The following ZGRF1 variants were observed in gnomAD, a reference collection of about 807,000 sequenced individuals.
The protein encoded by ZGRF1 is 5'-3' DNA helicase ZGRF1.
In ZGRF1, 196 loss-of-function variants were observed where a neutral mutation model predicts 203.5. The ratio of observed to expected loss-of-function variants is 0.96; its 90% CI spans 0.86 to 1.08. ZGRF1 has a LOEUF of 1.08. Ranked by LOEUF, ZGRF1 falls within the 50% of genes least tolerant of loss-of-function variation. The probability of loss-of-function intolerance (pLI) is 0.00; values close to 1 mark genes in which losing one functional copy is unlikely to be tolerated. For synonymous variants in ZGRF1, 809 were observed against 841.3 expected (o/e 0.96, Z 0.66); for missense variants, 2,326 against 2,416.3 (o/e 0.96, Z 0.78).
In ZGRF1 at chr4:112,581,838, T is replaced by C. The variant is rs374956750; in HGVS notation, c.4299-36A>G. 4 of 1,107,050 alleles carry C rather than the reference T, an allele frequency of 3.6e-6. No individual in the cohort carries two copies. The South Asian group carries it at 6.1e-5, about 17-fold the overall frequency. The allele number at this position is 1,107,050 out of a possible 1,614,324, so 68.6% of individuals were successfully genotyped here. A position where few individuals can be genotyped will look rare whatever the true frequency, so the allele number is the denominator to read the frequency against. ...AATAAAAAATAAAAATGAATTGTAA[T>C]ATTAAGATGCAAGTTTTTTGAAAAT... On this transcript the variant is annotated intron_variant, in intron 15 of 27. Transcript: ENST00000505019.
At chr4:112,599,773 C>A (rs571610030) in intron 10 of ZGRF1, among the ~76,000 whole-genome samples, 1 of 152,058 alleles carries the variant, frequency 6.6e-6, no homozygotes, top group African/African-American at 2.4e-5. Context: ...TCTGAAATTG[C>A]AGACCAATAA....
rs763987701 is a variant in ZGRF1, at chr4:112,543,741, CAGG to C, written c.5599-2476_5599-2474del. Among the ~76,000 whole-genome samples, 10 of 152,290 alleles carry C rather than the reference CAGG, an allele frequency of 6.6e-5. No homozygotes were observed. The East Asian group carries it at 1.2e-3, about 18-fold the overall frequency. ...GGGGAGAGAACGAATGGTTGGGGGA[CAGG>C]AGGAGAAGTCTTCACTATTTCCACG... On this transcript the variant is annotated intron_variant, in intron 24 of 27. Transcript: ENST00000505019.
intron 15 of ZGRF1, among the ~76,000 whole-genome samples, chr4:112,583,368 T>C (rs1204232248): frequency 6.6e-6 from 1 of 152,186 alleles, no homozygotes; most frequent in Non-Finnish European, 1.5e-5. Flanking sequence ...ATTATTCCTA[T>C]AGTTTGTCGG....
At chr4:112,550,285 G>A (rs961089013) in intron 22 of ZGRF1, among the ~76,000 whole-genome samples, 1 of 151,040 alleles carries the variant, frequency 6.6e-6, no homozygotes, top group Non-Finnish European at 1.5e-5. Context: ...AGTAAGCTTA[G>A]AATAATGTGT....
intron 4 of ZGRF1, 32 bp from the exon 5 acceptor site, chr4:112,620,222 C>T (rs2047020209): frequency 6.5e-7 from 1 of 1,538,320 alleles, no homozygotes; most frequent in Non-Finnish European, 8.9e-7. Context: ...TCACATACAT[C>T]TAATTATTTG....
At chr4:112,599,191 G>C (rs970440964) in intron 10 of ZGRF1, among the ~76,000 whole-genome samples, 3 of 152,082 alleles carry the variant, frequency 2.0e-5, no homozygotes, top group African/African-American at 7.2e-5. Context: ...TACCAAAACT[G>C]TAAAACATTA....
chr4:112,598,814 G>T (rs1389968486), intron 10 of ZGRF1, among the ~76,000 whole-genome samples: 1 of 152,090 alleles, frequency 6.6e-6, no homozygotes, highest in South Asian at 2.1e-4. Context: ...ACTTTGGGGG[G>T]TCAAGGCAGG....
intron 22 of ZGRF1, among the ~76,000 whole-genome samples, chr4:112,549,859 C>T (rs528190753): frequency 1.3e-4 from 19 of 151,940 alleles, no homozygotes; most frequent in Non-Finnish European, 2.5e-4. Context: ...TTATCATAAG[C>T]GCTGACAGCC....
In ZGRF1 at chr4:112,598,803, C is replaced by T. The variant is rs549382372; in HGVS notation, c.2976+4721G>A. Among the ~76,000 whole-genome samples the T allele has an allele frequency of 4.6e-5, 7 of 152,174 alleles. No individual in the cohort carries two copies. The South Asian group carries it at 1.5e-3, about 32-fold the overall frequency. On this transcript the variant is annotated intron_variant, in intron 10 of 27. Coordinates refer to ENST00000505019, the MANE Select transcript of ZGRF1 (RefSeq NM_018392.5). ...CGGTGTCAGATGCCTAGAATCCCAA[C>T]ACTTTGGGGGGTCAAGGCAGGTGTA...
chr4:112,587,519 GCATCCCAGAAACAGCCTCAGCAAAGAAGC>G lies in ZGRF1; in HGVS notation c.3509_3537del (p.Gly1170AlafsTer3), dbSNP rs1179408690. On this transcript the variant is annotated frameshift_variant, in exon 12 of 28. Transcript: ENST00000505019. LOFTEE classifies it high-confidence loss of function. ...TGTCTTTCACTTGTGTCTCTAAAAT[GCATCCCAGAAACAGCCTCAGCAAAGAAGC>G]CATCAGTTATTCTCTTATCAACTCT... 9 of 1,613,746 alleles carry G rather than the reference GCATCCCAGAAACAGCCTCAGCAAAGAAGC, an allele frequency of 5.6e-6. No homozygotes were observed. The highest frequency in any genetic ancestry group is 3.3e-5 in the Admixed American group (2 of 59,988).
chr4:112,548,522 G>A (rs1010577318), intron 22 of ZGRF1, 142 bp from the exon 23 acceptor site: 9 of 574,350 alleles, frequency 1.6e-5, no homozygotes, highest in Non-Finnish European at 2.0e-5. Flanking sequence ...TTAGGTCATC[G>A]TATCTCCAAA....
In ZGRF1 at chr4:112,619,117, C is replaced by T. The variant is rs142840390; in HGVS notation, c.925G>A (p.Glu309Lys). 19 of 1,613,628 alleles carry T rather than the reference C, an allele frequency of 1.2e-5. No individual in the cohort carries two copies. The African/African-American group carries it at 1.7e-4, about 15-fold the overall frequency. The part of the protein sequence containing the change: ...QEECAEMKST[E>K]NLYYQHQSEN... Reference sequence around the variant, plus strand: ...GATTGATGCTGGTAGTATAAATTTTCTGTGCTCTTCATCTCAGCACACTCT... The same window carrying T: ...GATTGATGCTGGTAGTATAAATTTTTTGTGCTCTTCATCTCAGCACACTCT... Residue 309 changes from glutamate to lysine, a missense_variant, in exon 6 of 28, where the codon GAA (glutamate) becomes AAA (lysine). By Grantham distance (56) the Glu-to-Lys change is moderately conservative. Transcript: ENST00000505019.
At position 112,585,646 on chromosome 4, in the gene ZGRF1, T is replaced by G. The variant is rs1449103175; in HGVS notation, c.3996A>C (p.Thr1332=). 1 of 1,610,420 alleles carries G rather than the reference T, an allele frequency of 6.2e-7. No homozygotes were observed. Among genetic ancestry groups the G allele is most frequent in the South Asian group, 1.1e-5 (1 of 90,738 alleles). The change falls in exon 14 of 28, where the codon ACA becomes ACC. Residue 1332 remains threonine (T), a synonymous_variant. Coordinates refer to ENST00000505019, the MANE Select transcript of ZGRF1 (RefSeq NM_018392.5). ...TTTTCAGTTTCTCTCCCTTCAATGATGTATAAAATGATATGTCAACTTTTG... is the reference window on the plus strand; with the variant it reads ...TTTTCAGTTTCTCTCCCTTCAATGAGGTATAAAATGATATGTCAACTTTTG... ...ALSKVDISFY[T]SLKGEKLKNA...
intron 9 of ZGRF1, 86 bp downstream of exon 9, chr4:112,605,922 C>G (rs1321295934): frequency 3.4e-6 from 3 of 886,808 alleles, no homozygotes; most frequent in Non-Finnish European, 5.5e-6. Context: ...TGTGAAAACT[C>G]TGATACTTGT....
chr4:112,613,788 TA>T (rs905775309), intron 6 of ZGRF1, among the ~76,000 whole-genome samples: 3 of 151,902 alleles, frequency 2.0e-5, no homozygotes, highest in South Asian at 2.1e-4. Context: ...TTTTTTTTCT[TA>T]AAAAAAAGTA....
rs1427752652 is a variant in ZGRF1 at position 112,619,249 on chromosome 4, T to G, written c.793A>C (p.Ser265Arg). ...TCAGAATTTAGTTCCTCACATGAACTAGATGATTCGGACTTCAGAAGAGCT... is the reference window on the plus strand; with the variant it reads ...TCAGAATTTAGTTCCTCACATGAACGAGATGATTCGGACTTCAGAAGAGCT... ...ILALLKSESSSSCEELNSEMT... is the reference protein window; with the variant it reads ...ILALLKSESSRSCEELNSEMT... The change falls in exon 6 of 28, where the codon AGT becomes CGT. Residue 265 changes from serine (S) to arginine (R), a missense_variant. Coordinates refer to ENST00000505019, the MANE Select transcript of ZGRF1 (RefSeq NM_018392.5). 7.4e-6 allele frequency: 12 copies of G among 1,613,316 alleles called. 1 individual carries two copies.
intron 3 of ZGRF1, among the ~76,000 whole-genome samples, chr4:112,624,163 C>CAAA (rs34831385): frequency 3.5e-5 from 4 of 114,104 alleles, no homozygotes; most frequent in East Asian, 2.6e-4. Context: ...TGCTACTGCT[C>CAAA]AAAAAAAAAA....
chr4:112,617,338 A>G (rs913043954), intron 6 of ZGRF1, 102 bp downstream of exon 6: 3 of 814,712 alleles, frequency 3.7e-6, no homozygotes, highest in Non-Finnish European at 5.6e-6. Context: ...CTATTTAAAC[A>G]CTATGTAATT....
At position 112,539,967 on chromosome 4, in the gene ZGRF1, A is replaced by C. The variant is rs774401641; in HGVS notation, c.6068T>G (p.Met2023Arg). 1.9e-6 allele frequency: 3 copies of C among 1,613,882 alleles called. No homozygotes were observed. The highest frequency in any genetic ancestry group is 1.7e-5 in the Admixed American group (1 of 60,006). ...QVGFIDSEKR[M>R]NVALTRGKRH... is the part of the protein sequence containing the mutation. Reference sequence around the variant, plus strand: ...CTTTCCTCTAGTCAATGCAACATTCATTCTTTTTTCTGAATCAATGAATCC... The same window carrying C: ...CTTTCCTCTAGTCAATGCAACATTCCTTCTTTTTTCTGAATCAATGAATCC... The change falls in exon 27 of 28, where the codon ATG (methionine) becomes AGG (arginine). Residue 2023 changes from methionine (M) to arginine (R), a missense_variant. By Grantham distance (91) the Met-to-Arg change is moderately conservative (BLOSUM62 -1). Coordinates refer to ENST00000505019, the MANE Select transcript of ZGRF1 (RefSeq NM_018392.5).
Sources: gnomAD v4.1 joint callset for allele counts (sites outside exome capture counted in the v4.1 genomes callset) on GRCh38, gnomAD v4.1.1 for gene constraint, MANE v1.5 for transcripts, NCBI Gene and HGNC (gene_info 2026-07-23, HGNC 2026-07-21) for gene names.